SP1: variants seen among roughly 807,000 people sequenced by gnomAD.
The protein encoded by SP1 is transcription factor Sp1.
A neutral mutation model predicts 66.3 loss-of-function variants in SP1; 6 were observed. The observed-to-expected ratio is 0.09, with a 90% CI of 0.05 to 0.18. SP1 has a LOEUF of 0.18. Ranked by LOEUF, SP1 falls within the 10% of genes least tolerant of loss-of-function variation. The probability of loss-of-function intolerance (pLI) is 1.00; values close to 1 mark genes in which losing one functional copy is unlikely to be tolerated. For missense variants in SP1, 848 were observed against 964.5 expected (o/e 0.88, Z 1.60); for synonymous variants, 417 against 360.8 (o/e 1.16, Z -1.77).
chr12:53,389,164 G>GCTT (rs746066274), intron 3 of SP1, among the ~76,000 whole-genome samples: 1 of 150,642 alleles, frequency 6.6e-6, no homozygotes, highest in Non-Finnish European at 1.5e-5. Context: ...GAAGATTGCA[G>GCTT]CTTCCATGGT....
In SP1 at chr12:53,381,662, A is replaced by G. The variant is rs1938100726; in HGVS notation, c.11A>G (p.Gln4Arg). MSD[Q>R]DHSMDEMTAV... is the part of the protein sequence containing the mutation. ...GTTTGTTTTTTAATTATTTTAGACC[A>G]AGATCACTCCATGGATGAAATGACA... is the stretch of plus-strand genomic sequence containing the variant. The change falls in exon 2 of 6, where the codon CAA becomes CGA. Residue 4 changes from glutamine (Q) to arginine (R), a missense_variant. Coordinates refer to ENST00000327443, the MANE Select transcript of SP1 (RefSeq NM_138473.3). 1 of 1,606,142 alleles carries G rather than the reference A, an allele frequency of 6.2e-7. No individual in the cohort carries two copies. Among genetic ancestry groups the G allele is most frequent in the South Asian group, 1.1e-5 (1 of 89,692 alleles).
intron 3 of SP1, among the ~76,000 whole-genome samples, chr12:53,405,077 G>A (rs947510714): frequency 6.6e-6 from 1 of 151,778 alleles, no homozygotes; most frequent in African/African-American, 2.4e-5. Flanking sequence ...TTGAACTCCT[G>A]ACCTCAAGTG....
intron 3 of SP1, among the ~76,000 whole-genome samples, chr12:53,383,896 C>T (rs1468520974): frequency 2.6e-5 from 4 of 152,016 alleles, no homozygotes; most frequent in African/African-American, 7.3e-5. Context: ...TAATGGTTGA[C>T]AAGCTTTCTG....
chr12:53,395,522 A>T (rs1037375484), intron 3 of SP1, among the ~76,000 whole-genome samples: 5 of 152,196 alleles, frequency 3.3e-5, no homozygotes, highest in African/African-American at 1.2e-4. Flanking sequence ...ATACTTAGTA[A>T]TAAATTACTA....
intron 5 of SP1, among the ~76,000 whole-genome samples, chr12:53,410,721 C>T (rs796160730): frequency 2.0e-5 from 3 of 152,176 alleles, no homozygotes; most frequent in African/African-American, 7.2e-5. Context: ...TCTTGATCTC[C>T]TGACCTCGTG....
rs574292807 is a variant in SP1 at position 53,412,152 on chromosome 12, G to A, written c.*912G>A. The A allele has an allele frequency of 2.0e-5, 3 of 152,208 alleles. No homozygotes were observed. The highest frequency in any genetic ancestry group is 2.9e-5 in the Non-Finnish European group (2 of 68,026). 9.4% of individuals were successfully genotyped at this position (152,208 alleles called of 1,614,324 possible). A position where few individuals can be genotyped will look rare whatever the true frequency, so the allele number is the denominator to read the frequency against. ...CTACTGACGCAGGCACCTTCTTGGC[G>A]CTGGAGAGTCAAAGGCATCTCCCTT... is the stretch of plus-strand genomic sequence containing the variant. On this transcript the variant is annotated 3_prime_UTR_variant, in exon 6 of 6. Transcript: ENST00000327443.
Position 53,411,440 on chromosome 12 carries a change from G to A in SP1, c.*200G>A. On this transcript the variant is annotated 3_prime_UTR_variant, in exon 6 of 6. Transcript: ENST00000327443. ...ATCATCAGTGCCTCTTTGAAGGTGG[G>A]AAACATTAGTGAAAATTCTGTTGGT... 2.0e-6 allele frequency: 1 copy of A among 492,670 alleles called. No homozygotes were observed. The highest frequency in any genetic ancestry group is 3.5e-6 in the Non-Finnish European group (1 of 281,910). 30.5% of individuals were successfully genotyped at this position (492,670 alleles called of 1,614,324 possible).
At chr12:53,409,318 T>C (rs1938827136) in intron 4 of SP1, 44 bp from the exon 5 acceptor site, 1 of 1,538,464 alleles carries the variant, frequency 6.5e-7, no homozygotes. Context: ...GGTTCTTTAG[T>C]TTTCTCTAGA....
Position 53,382,441 on chromosome 12 carries a change from C to G in SP1, c.494C>G (p.Pro165Arg). The G allele has an allele frequency of 1.2e-6, 2 of 1,614,204 alleles. No homozygotes were observed. The highest frequency in any genetic ancestry group is 1.7e-6 in the Non-Finnish European group (2 of 1,180,038). The change falls in exon 3 of 6, where the codon CCT becomes CGT. Residue 165 changes from proline to arginine, a missense_variant. Around this residue, in one of 7 missense-constraint regions of SP1, gnomAD observed 606 missense variants for 589.9 expected, o/e 1.03. Transcript: ENST00000327443. ...AACCAGCAAGTTCTGACAGGACTAC[C>G]TGGAGTGATGCCTAATATTCAGTAT... The part of the protein sequence containing the change: ...LQNQQVLTGL[P>R]GVMPNIQYQV...
chr12:53,392,505 C>T (rs532863207), intron 3 of SP1, among the ~76,000 whole-genome samples: 7 of 150,966 alleles, frequency 4.6e-5, no homozygotes, highest in East Asian at 2.0e-4. Context: ...TACAGGCGCC[C>T]GCCACTACGC....
intron 3 of SP1, among the ~76,000 whole-genome samples, chr12:53,403,533 T>A (rs963834715): frequency 2.0e-4 from 30 of 151,496 alleles, no homozygotes; most frequent in Admixed American, 2.0e-3. Context: ...TTTTTTTTTT[T>A]TGTAGAGATG....
chr12:53,380,254 G>A lies in SP1; in HGVS notation c.-38G>A, dbSNP rs1413597511. On this transcript the variant is annotated 5_prime_UTR_variant, in exon 1 of 6. Transcript: ENST00000327443. ...TTTCCCGGCCCCCCCCAACCCCCCC[G>A]GACAGGACCCCCTTGAGCTTGTCCC... is the stretch of plus-strand genomic sequence containing the variant. 7 of 499,218 alleles carry A rather than the reference G, an allele frequency of 1.4e-5. No homozygotes were observed. The highest frequency in any genetic ancestry group is 3.4e-4 in the Middle Eastern group (1 of 2,948). The allele number at this position is 499,218 out of a possible 1,614,324, so 30.9% of individuals were successfully genotyped here.
In SP1 at chr12:53,409,295, G is replaced by T. The variant is rs149548901; in HGVS notation, c.1845-67G>T. 2,183 of 1,338,754 alleles carry T rather than the reference G, an allele frequency of 1.6e-3. 20 individuals are homozygous for T. The African/African-American group carries it at 0.028, about 17-fold the overall frequency. The allele number at this position is 1,338,754 out of a possible 1,614,324, so 82.9% of individuals were successfully genotyped here. On this transcript the variant is annotated intron_variant, in intron 4 of 5. Coordinates refer to ENST00000327443, the MANE Select transcript of SP1 (RefSeq NM_138473.3). ...GTTTGGTGTCGATTGGGTGATTGCTGTTGATACTTTGTGGTTCTTTAGTTT... is the reference window on the plus strand; with the variant it reads ...GTTTGGTGTCGATTGGGTGATTGCTTTTGATACTTTGTGGTTCTTTAGTTT...
chr12:53,394,595 T>C (rs1200019473), intron 3 of SP1, among the ~76,000 whole-genome samples: 4 of 146,068 alleles, frequency 2.7e-5, no homozygotes, highest in African/African-American at 1.0e-4. Context: ...TTTTTTTTTT[T>C]GGAGATAAGG....
chr12:53,385,594 CAAA>C (rs146062441), intron 3 of SP1, among the ~76,000 whole-genome samples: 3 of 111,562 alleles, frequency 2.7e-5, no homozygotes, highest in Non-Finnish European at 5.5e-5. Flanking sequence ...GACTCCGTCT[CAAA>C]AAAAAAAAAA....
At chr12:53,386,893 G>A (rs565951869) in intron 3 of SP1, among the ~76,000 whole-genome samples, 17 of 150,264 alleles carry the variant, frequency 1.1e-4, no homozygotes, top group African/African-American at 3.9e-4. Context: ...TACAAATACG[G>A]AAAATAGTTT....
intron 3 of SP1, among the ~76,000 whole-genome samples, chr12:53,402,326 C>T (rs1042758967): frequency 1.3e-5 from 2 of 151,248 alleles, no homozygotes; most frequent in Admixed American, 6.6e-5. Context: ...CAAGTTCAAG[C>T]GATTGTCCTG....
In SP1 at chr12:53,382,739, C is replaced by A; in HGVS notation, c.792C>A (p.Ile264=). Residue 264 remains isoleucine (I), a synonymous_variant, in exon 3 of 6, where the codon ATC becomes ATA. Transcript: ENST00000327443. ...TACCAGTGGCCCTGAATGGGAACAT[C>A]ACCTTGCTACCTGTCAACAGCGTTT... ...TNVPVALNGN[I]TLLPVNSVSA... 6.2e-7 allele frequency: 1 copy of A among 1,614,168 alleles called. No individual in the cohort carries two copies. The highest frequency in any genetic ancestry group is 8.5e-7 in the Non-Finnish European group (1 of 1,180,032).
chr12:53,404,088 G>A (rs1015907258), intron 3 of SP1, among the ~76,000 whole-genome samples: 1 of 151,460 alleles, frequency 6.6e-6, no homozygotes, highest in East Asian at 2.0e-4. Context: ...GGAGAATGGC[G>A]TGAACCTGGG....
Sources: allele counts gnomAD v4.1 joint callset (sites outside exome capture counted in the v4.1 genomes callset), GRCh38; gene constraint gnomAD v4.1.1; regional missense constraint gnomAD v4.1.1; transcripts MANE v1.5; gene names NCBI Gene and HGNC (gene_info 2026-07-23, HGNC 2026-07-21).